The following RIC1 variants were observed in gnomAD, a reference collection of about 807,000 sequenced individuals.
The protein encoded by RIC1 is RIC1 partner of RAB6A GEF complex, also known as guanine nucleotide exchange factor subunit RIC1.
In RIC1, 88 loss-of-function variants were observed where a neutral mutation model predicts 169.0. The ratio of observed to expected loss-of-function variants is 0.52; its 90% CI spans 0.44 to 0.62. The LOEUF is 0.62. Among genes scored for constraint, RIC1 ranks in the 20% least tolerant of loss-of-function variants. The pLI is 0.00. For synonymous variants in RIC1, 790 were observed against 601.5 expected, an observed-to-expected ratio of 1.31 and a Z score of -4.59; for missense variants, 1,877 against 1,725.5, an observed-to-expected ratio of 1.09 and a Z score of -1.56.
intron 1 of RIC1, among the ~76,000 whole-genome samples, chr9:5,641,878 C>T (rs1818268607): frequency 1.4e-5 from 2 of 144,184 alleles, no homozygotes; most frequent in Admixed American, 1.3e-4. Context: ...GAATTCCTGC[C>T]TGAAAGGTCA....
chr9:5,673,302 G>A (rs2130581941), intron 2 of RIC1, among the ~76,000 whole-genome samples: 1 of 151,732 alleles, frequency 6.6e-6, no homozygotes, highest in South Asian at 2.1e-4. Flanking sequence ...GAAAAGATAA[G>A]CATCACTAGC....
intron 6 of RIC1, among the ~76,000 whole-genome samples, chr9:5,729,833 T>C (rs1824251054): frequency 7.1e-6 from 1 of 140,078 alleles, no homozygotes; most frequent in African/African-American, 2.5e-5. Flanking sequence ...AAACTTTTGA[T>C]GAATTAGAAA....
intron 1 of RIC1, among the ~76,000 whole-genome samples, chr9:5,656,368 T>C (rs1043831431): frequency 6.6e-6 from 1 of 152,166 alleles, no homozygotes; most frequent in African/African-American, 2.4e-5. Context: ...TGATTATTAA[T>C]TATTAATTCA....
chr9:5,631,904 T>G (rs1817733094), intron 1 of RIC1, among the ~76,000 whole-genome samples: 1 of 152,212 alleles, frequency 6.6e-6, no homozygotes. Context: ...AAACTTCATT[T>G]AAAAGTGAAA....
chr9:5,641,651 C>G lies in RIC1; in HGVS notation c.144+12198C>G, dbSNP rs866067993. 6.1e-5 allele frequency among the ~76,000 whole-genome samples: 7 copies of G among 115,136 alleles called. 1 individual carries two copies. The highest frequency in any genetic ancestry group is 1.0e-4 in the African/African-American group (2 of 19,140). 75.5% of individuals were successfully genotyped at this position (115,136 alleles called of 152,430 possible). A position where few individuals can be genotyped will look rare whatever the true frequency, so the allele number is the denominator to read the frequency against. On this transcript the variant is annotated intron_variant, in intron 1 of 25. Coordinates refer to ENST00000414202, the MANE Select transcript of RIC1 (RefSeq NM_020829.4). ...CTCCTCTGACTATATTGTCAAGTAG[C>G]CTGTCTCCAAGCCCACTAATTCTTT...
downstream of RIC1, among the ~76,000 whole-genome samples, chr9:5,776,876 G>A (rs1827617938): frequency 6.6e-6 from 1 of 152,018 alleles, no homozygotes; most frequent in African/African-American, 2.4e-5. Context: ...GAGGAACCTA[G>A]GCGTCATTTC....
At chr9:5,710,774 G>C (rs7872200) in intron 3 of RIC1, among the ~76,000 whole-genome samples, 1 of 151,952 alleles carries the variant, frequency 6.6e-6, no homozygotes, top group Non-Finnish European at 1.5e-5. Flanking sequence ...TTAAGAAAAC[G>C]GGGGGAGTGG....
At chr9:5,682,268 A>G (rs1171344488) in intron 2 of RIC1, among the ~76,000 whole-genome samples, 2 of 152,228 alleles carry the variant, frequency 1.3e-5, no homozygotes, top group African/African-American at 2.4e-5. Context: ...GGTCTTTACA[A>G]TTTGGCATGT....
At chr9:5,688,306 C>T (rs1821374353) in intron 2 of RIC1, among the ~76,000 whole-genome samples, 1 of 152,130 alleles carries the variant, frequency 6.6e-6, no homozygotes, top group Non-Finnish European at 1.5e-5. Flanking sequence ...GTGTGCTGAC[C>T]CAGAAATTCT....
intron 24 of RIC1, 38 bp from the exon 25 acceptor site, chr9:5,772,854 T>A (rs1334945881): frequency 1.3e-6 from 2 of 1,587,142 alleles, no homozygotes; most frequent in South Asian, 2.3e-5. Flanking sequence ...TTATAGATCT[T>A]TCTTAGCATA....
At chr9:5,706,645 CAT>C (rs1822605341) in intron 3 of RIC1, among the ~76,000 whole-genome samples, 1 of 152,016 alleles carries the variant, frequency 6.6e-6, no homozygotes, top group Non-Finnish European at 1.5e-5. Context: ...TAGGTCTATT[CAT>C]ATGTTTTATT....
In RIC1 at chr9:5,776,337, T is replaced by C. The variant is rs1027269659; in HGVS notation, c.*2091T>C. On this transcript the variant is annotated 3_prime_UTR_variant, in exon 26 of 26. Coordinates refer to ENST00000414202, the MANE Select transcript of RIC1 (RefSeq NM_020829.4). Reference sequence around the variant, plus strand: ...TTTATTGTGGTGTTTGGTTCACATATCAACTGTTTAAGCCATAATTTTAGC... The same window carrying C: ...TTTATTGTGGTGTTTGGTTCACATACCAACTGTTTAAGCCATAATTTTAGC... 2.0e-5 allele frequency: 3 copies of C among 152,264 alleles called. No individual in the cohort carries two copies. The East Asian group carries it at 5.8e-4, about 29-fold the overall frequency. The allele number at this position is 152,264 out of a possible 1,614,324, so 9.4% of individuals were successfully genotyped here. A position where few individuals can be genotyped will look rare whatever the true frequency, so the allele number is the denominator to read the frequency against.
Position 5,774,016 on chromosome 9 carries a change from A to AT in RIC1, c.4043dup (p.Thr1349AsnfsTer17), listed in dbSNP as rs1827425314. 2 of 1,613,818 alleles carry AT rather than the reference A, an allele frequency of 1.2e-6. No homozygotes were observed. The highest frequency in any genetic ancestry group is 2.2e-5 in the South Asian group (2 of 91,062). On this transcript the variant is annotated frameshift_variant, in exon 26 of 26. Coordinates refer to ENST00000414202, the MANE Select transcript of RIC1 (RefSeq NM_020829.4). LOFTEE classifies it high-confidence loss of function. ...GCCACAACTGCAGAAGCTCAGTGAGATAACAGAAGAGCAGGTCCAGCCAGA... is the reference window on the plus strand; with the variant it reads ...GCCACAACTGCAGAAGCTCAGTGAGATTAACAGAAGAGCAGGTCCAGCCAGA...
chr9:5,734,883 T>C (rs531786237), intron 7 of RIC1, among the ~76,000 whole-genome samples: 4 of 152,316 alleles, frequency 2.6e-5, no homozygotes, highest in South Asian at 2.1e-4. Context: ...TATTTCTTGG[T>C]TTCTAAAAAA....
At chr9:5,694,827 G>C (rs953458369) in intron 3 of RIC1, among the ~76,000 whole-genome samples, 5 of 150,998 alleles carry the variant, frequency 3.3e-5, no homozygotes, top group Non-Finnish European at 7.4e-5. Flanking sequence ...GAAAAGTCTG[G>C]TGAAAGGGTA....
Position 5,629,150 on chromosome 9 carries a change from T to G in RIC1, c.-160T>G, listed in dbSNP as rs1013831493. On this transcript the variant is annotated 5_prime_UTR_variant, in exon 1 of 26. Coordinates refer to ENST00000414202, the MANE Select transcript of RIC1 (RefSeq NM_020829.4). ...TTGGGGGTGCCTTCGTCGCGCAGCC[T>G]TGCGTCGGCCCGGCCCGGCCAGGCC... is the stretch of plus-strand genomic sequence containing the variant. 4 of 594,460 alleles carry G rather than the reference T, an allele frequency of 6.7e-6. No homozygotes were observed. Among genetic ancestry groups the G allele is most frequent in the Non-Finnish European group, 9.7e-6 (4 of 410,630 alleles). The allele number at this position is 594,460 out of a possible 1,614,324, so 36.8% of individuals were successfully genotyped here.
At chr9:5,736,482 G>C (rs1285204194) in intron 7 of RIC1, among the ~76,000 whole-genome samples, 2 of 152,146 alleles carry the variant, frequency 1.3e-5, no homozygotes, top group Non-Finnish European at 2.9e-5. Flanking sequence ...GTGTTTGTAG[G>C]CTGCAGCACA....
At chr9:5,662,329 A>G (rs1289751320) in intron 2 of RIC1, among the ~76,000 whole-genome samples, 2 of 152,144 alleles carry the variant, frequency 1.3e-5, no homozygotes, top group Non-Finnish European at 2.9e-5. Context: ...TGGTATCAAG[A>G]TGATGCTGGC....
chr9:5,632,607 A>G (rs998446738), intron 1 of RIC1, among the ~76,000 whole-genome samples: 1 of 152,284 alleles, frequency 6.6e-6, no homozygotes, highest in South Asian at 2.1e-4. Context: ...AAGGCTCAGT[A>G]TGTGTAGGCT....
Sources: gnomAD v4.1 joint callset for allele counts (sites outside exome capture counted in the v4.1 genomes callset) on GRCh38, gnomAD v4.1.1 for gene constraint, MANE v1.5 for transcripts, NCBI Gene and HGNC (gene_info 2026-07-23, HGNC 2026-07-21) for gene names.